Variants in GANC observed in about 807,000 individuals in gnomAD.
The protein encoded by GANC is glucosidase alpha, neutral C.
In GANC, 117 loss-of-function variants were observed where a neutral mutation model predicts 124.2. The ratio of observed to expected loss-of-function variants is 0.94; its 90% CI spans 0.81 to 1.10. The LOEUF is 1.10. GANC is among the 50% of genes least tolerant of loss of function. The probability of loss-of-function intolerance (pLI) is 0.00; values close to 1 mark genes in which losing one functional copy is unlikely to be tolerated. For missense variants in GANC, 1,140 were observed against 1,095.0 expected, an observed-to-expected ratio of 1.04 and a Z score of -0.58; for synonymous variants, 377 against 376.8, an observed-to-expected ratio of 1.00 and a Z score of -0.01.
At chr15:42,333,749 A>G (rs1351466073) in intron 15 of GANC, among the ~76,000 whole-genome samples, 31 of 152,244 alleles carry the variant, frequency 2.0e-4, no homozygotes, top group Non-Finnish European at 5.9e-5. Flanking sequence ...TATTCGGCAT[A>G]ACACCTGGCT....
At chr15:42,345,117 ATTT>A (rs1246291419) in intron 19 of GANC, among the ~76,000 whole-genome samples, 2 of 152,108 alleles carry the variant, frequency 1.3e-5, no homozygotes, top group Non-Finnish European at 2.9e-5. Context: ...TATCTTAAGA[ATTT>A]ATCCCATCAA....
chr15:42,280,869 C>T (rs8037020), intron 3 of GANC: 546,141 of 689,956 alleles, frequency 0.79, 222,884 homozygotes, highest in Non-Finnish European at 0.87. Flanking sequence ...TACTGTAGAT[C>T]AGTTTCTCTT....
At chr15:42,332,105 A>G (rs2052250727) in intron 15 of GANC, among the ~76,000 whole-genome samples, 1 of 152,120 alleles carries the variant, frequency 6.6e-6, no homozygotes, top group Non-Finnish European at 1.5e-5. Context: ...ATCAAGGCTA[A>G]CTATAGTCAC....
chr15:42,281,252 C>G, intron 3 of GANC: 2 of 627,484 alleles, frequency 3.2e-6, no homozygotes, highest in South Asian at 1.9e-5. Context: ...ATTTTAATGT[C>G]CTCCTTGTCA....
At chr15:42,339,575 A>G (rs16973093) in intron 16 of GANC, 94 bp from the exon 17 acceptor site, 124,179 of 1,438,206 alleles carry the variant, frequency 0.086, 6,431 homozygotes, top group South Asian at 0.2. Context: ...CATATACTGC[A>G]CTTTTCTCCT....
chr15:42,333,038 A>ATATAT (rs760603238), intron 15 of GANC, among the ~76,000 whole-genome samples: 4 of 146,826 alleles, frequency 2.7e-5, no homozygotes, highest in South Asian at 2.2e-4. Context: ...ATATATATAT[A>ATATAT]TTTTTTTTGG....
At chr15:42,284,588 C>T (rs533573796) in intron 3 of GANC, among the ~76,000 whole-genome samples, 1 of 152,294 alleles carries the variant, frequency 6.6e-6, no homozygotes, top group South Asian at 2.1e-4. Flanking sequence ...ATTCTTTTCT[C>T]TGAGGATTTA....
chr15:42,287,856 A>C (rs763258832), intron 4 of GANC, 38 bp downstream of exon 4: 1 of 1,582,512 alleles, frequency 6.3e-7, no homozygotes, highest in East Asian at 2.2e-5. Flanking sequence ...GACACGCTTG[A>C]TATATTCTTT....
intron 23 of GANC, 102 bp downstream of exon 23, chr15:42,351,534 A>T: frequency 2.5e-6 from 2 of 805,594 alleles, no homozygotes; most frequent in Admixed American, 4.1e-5. Flanking sequence ...GCTGAGCCTG[A>T]GTGTGTGCTT....
chr15:42,337,598 A>G (rs961649220), intron 15 of GANC, among the ~76,000 whole-genome samples: 2 of 152,218 alleles, frequency 1.3e-5, no homozygotes, highest in African/African-American at 2.4e-5. Context: ...AGGAAAAATA[A>G]CTAATGGGTA....
Position 42,310,416 on chromosome 15 carries a change from A to G in GANC, c.856A>G (p.Asn286Asp). ...LGRTIGIFWL[N>D]ASETLVEINT... Reference sequence around the variant, plus strand: ...CAGAACTATAGGTATTTTCTGGCTGAATGCCTCGGAAACACTGGTGGAGAT... The same window carrying G: ...CAGAACTATAGGTATTTTCTGGCTGGATGCCTCGGAAACACTGGTGGAGAT... Residue 286 changes from asparagine to aspartate, a missense_variant, in exon 9 of 24, where the codon AAT (asparagine) becomes GAT (aspartate). Physicochemically the swap from Asn to Asp is conservative, Grantham distance 23. Transcript: ENST00000318010. The G allele has an allele frequency of 3.1e-6, 5 of 1,613,714 alleles. No individual in the cohort carries two copies. The highest frequency in any genetic ancestry group is 4.2e-6 in the Non-Finnish European group (5 of 1,179,782).
At chr15:42,288,354 T>C (rs984425205) in intron 4 of GANC, among the ~76,000 whole-genome samples, 2 of 152,162 alleles carry the variant, frequency 1.3e-5, no homozygotes, top group Admixed American at 1.3e-4. Flanking sequence ...AAACAATCTT[T>C]GGGGACTAAA....
chr15:42,301,362 C>A (rs897226650), intron 6 of GANC, among the ~76,000 whole-genome samples: 1 of 152,202 alleles, frequency 6.6e-6, no homozygotes, highest in Non-Finnish European at 1.5e-5. Context: ...GTCTTGGTAA[C>A]CCACAGACCA....
At chr15:42,342,489 G>A (rs1045738974) in intron 18 of GANC, among the ~76,000 whole-genome samples, 1 of 152,168 alleles carries the variant, frequency 6.6e-6, no homozygotes, top group African/African-American at 2.4e-5. Flanking sequence ...GGCTGAGGCT[G>A]GAGGATTACA....
chr15:42,344,045 C>T (rs1285695847), intron 19 of GANC, among the ~76,000 whole-genome samples: 2 of 152,220 alleles, frequency 1.3e-5, no homozygotes, highest in Admixed American at 1.3e-4. Flanking sequence ...CCAGGCCACG[C>T]TTGCTGCTCA....
chr15:42,279,672 C>A (rs1017299341), intron 3 of GANC, among the ~76,000 whole-genome samples: 1 of 152,184 alleles, frequency 6.6e-6, no homozygotes, highest in Admixed American at 6.5e-5. Context: ...CTAAAGGCAT[C>A]CTAAGTTTCT....
At chr15:42,328,483 A>G (rs1296683362) in intron 13 of GANC, among the ~76,000 whole-genome samples, 1 of 150,990 alleles carries the variant, frequency 6.6e-6, no homozygotes, top group Non-Finnish European at 1.5e-5. Context: ...ATAGAAGAAC[A>G]CACATGTTTA....
At chr15:42,310,076 A>C (rs17695121) in intron 8 of GANC, among the ~76,000 whole-genome samples, 9,821 of 152,204 alleles carry the variant, frequency 0.065, 403 homozygotes, top group South Asian at 0.16. Context: ...GTATGTGCTA[A>C]TGTCACAGGA....
At chr15:42,333,932 G>T (rs2052265133) in intron 15 of GANC, among the ~76,000 whole-genome samples, 1 of 152,088 alleles carries the variant, frequency 6.6e-6, no homozygotes, top group Admixed American at 6.6e-5. Flanking sequence ...AGAATCCAGA[G>T]TATCCAACAC....
Sources: allele counts gnomAD v4.1 joint callset (sites outside exome capture counted in the v4.1 genomes callset), GRCh38; gene constraint gnomAD v4.1.1; transcripts MANE v1.5; gene names NCBI Gene and HGNC (gene_info 2026-07-23, HGNC 2026-07-21).